Variants in RNF24 observed in about 807,000 individuals in gnomAD.
The protein encoded by RNF24 is ring finger protein 24.
RNF24 carries 14 observed loss-of-function variants against 20.0 expected under a neutral mutation model. The ratio of observed to expected loss-of-function variants is 0.70; its 90% CI spans 0.46 to 1.10. The LOEUF (loss-of-function observed/expected upper bound fraction) is 1.10. Ranked by LOEUF, RNF24 falls within the 50% of genes least tolerant of loss-of-function variation. The pLI is 0.00. For synonymous variants in RNF24, 45 were observed against 61.1 expected, an observed-to-expected ratio of 0.74 and a Z score of 1.23; for missense variants, 124 against 177.6, an observed-to-expected ratio of 0.70 and a Z score of 1.71.
chr20:3,976,491 C>T (rs933720631), intron 1 of RNF24, among the ~76,000 whole-genome samples: 1 of 152,160 alleles, frequency 6.6e-6, no homozygotes, highest in Non-Finnish European at 1.5e-5. Context: ...ATTAAACATG[C>T]AACTGCCATA....
chr20:3,996,885 G>A (rs1295725742), intron 1 of RNF24, among the ~76,000 whole-genome samples: 2 of 152,138 alleles, frequency 1.3e-5, no homozygotes, highest in East Asian at 3.8e-4. Flanking sequence ...CTGATGCCAT[G>A]AAGCTCCATT....
At chr20:3,950,163 G>C (rs2146965495) in intron 2 of RNF24, among the ~76,000 whole-genome samples, 1 of 130,346 alleles carries the variant, frequency 7.7e-6, no homozygotes, top group Admixed American at 7.4e-5. Flanking sequence ...GTATAGTGAT[G>C]AATGTGTCCG....
Position 3,934,103 on chromosome 20 carries a change from G to C in RNF24, c.407C>G (p.Pro136Arg), listed in dbSNP as rs139037742. ...AQLHSKQDRG[P>R]PQGPLPGAEN... ...TGCCCCAGGAAGGGGCCCCTGAGGG[G>C]GTCCACGGTCCTGCTTACTGTGCAA... is the stretch of plus-strand genomic sequence containing the variant. The change falls in exon 6 of 6, where the codon CCC becomes CGC. Residue 136 changes from proline to arginine, a missense_variant. Transcript: ENST00000358395. The surrounding 1 kb of genome is among the most constrained non-coding windows in gnomAD (Gnocchi z 4.0). 1 of 1,540,288 alleles carries C rather than the reference G, an allele frequency of 6.5e-7. No homozygotes were observed. Among genetic ancestry groups the C allele is most frequent in the African/African-American group, 1.4e-5 (1 of 70,966 alleles).
At position 3,971,647 on chromosome 20, in the gene RNF24, T is replaced by TA. The variant is rs1484849764; in HGVS notation, c.-7-7624dup. ...ATTTCTAGTCTGAACTGGTAAAGTATACTAGTAGACTGCATATATAATACA... is the reference window on the plus strand; with the variant it reads ...ATTTCTAGTCTGAACTGGTAAAGTATAACTAGTAGACTGCATATATAATACA... On this transcript the variant is annotated intron_variant, in intron 1 of 5. Transcript: ENST00000358395. Among the ~76,000 whole-genome samples, 13 of 152,266 alleles carry TA rather than the reference T, an allele frequency of 8.5e-5. No homozygotes were observed. The East Asian group carries it at 2.5e-3, about 29-fold the overall frequency.
chr20:3,959,700 AT>A (rs1224646358), intron 2 of RNF24, among the ~76,000 whole-genome samples: 1 of 151,936 alleles, frequency 6.6e-6, no homozygotes, highest in Non-Finnish European at 1.5e-5. Flanking sequence ...GAGATAACCC[AT>A]TTTTTCCCCC....
At chr20:3,938,657 A>G (rs2146944226) in intron 4 of RNF24, among the ~76,000 whole-genome samples, 2 of 152,268 alleles carry the variant, frequency 1.3e-5, no homozygotes, top group East Asian at 3.8e-4. Flanking sequence ...TAAATACAAG[A>G]CCCTTATCAG....
intron 1 of RNF24, among the ~76,000 whole-genome samples, chr20:3,979,135 ATATC>A (rs1979170375): frequency 6.7e-6 from 1 of 150,280 alleles, no homozygotes; most frequent in South Asian, 2.1e-4. Context: ...TATATATTAT[ATATC>A]TACGTATCTA....
At chr20:3,957,018 C>T (rs2091150084) in intron 2 of RNF24, among the ~76,000 whole-genome samples, 1 of 151,994 alleles carries the variant, frequency 6.6e-6, no homozygotes, top group South Asian at 2.1e-4. Flanking sequence ...ATCAGCTGGG[C>T]TCAGTGGCTC....
chr20:4,001,954 C>T (rs939650444), intron 1 of RNF24, among the ~76,000 whole-genome samples: 3 of 150,264 alleles, frequency 2.0e-5, no homozygotes, highest in Non-Finnish European at 4.4e-5. Flanking sequence ...CTTAAAAAAA[C>T]AAACAAAAAA....
chr20:3,972,446 G>A (rs1978430141), intron 1 of RNF24, among the ~76,000 whole-genome samples: 1 of 152,182 alleles, frequency 6.6e-6, no homozygotes, highest in South Asian at 2.1e-4. Flanking sequence ...GTCATATAGA[G>A]TGTGTTACTG....
chr20:4,014,739 G>C (rs941272771), intron 1 of RNF24, among the ~76,000 whole-genome samples: 1 of 143,780 alleles, frequency 7.0e-6, no homozygotes, highest in South Asian at 2.3e-4. Flanking sequence ...ACTTGAATGC[G>C]CACACACACA....
chr20:3,975,217 T>A (rs1195358569), intron 1 of RNF24, among the ~76,000 whole-genome samples: 1 of 152,074 alleles, frequency 6.6e-6, no homozygotes, highest in Non-Finnish European at 1.5e-5. Context: ...GGCAAAAAAA[T>A]TGAATCTTGA....
chr20:3,965,902 G>A (rs1413095386), intron 1 of RNF24, among the ~76,000 whole-genome samples: 3 of 152,122 alleles, frequency 2.0e-5, no homozygotes, highest in South Asian at 2.1e-4. Context: ...GGGAGGCTGA[G>A]GTGGGTGGAT....
intron 1 of RNF24, among the ~76,000 whole-genome samples, chr20:3,995,370 C>T (rs540197683): frequency 1.3e-5 from 2 of 152,300 alleles, no homozygotes; most frequent in Admixed American, 1.3e-4. Context: ...AAGTGGACTC[C>T]TTTCTGAAGT....
intron 1 of RNF24, among the ~76,000 whole-genome samples, chr20:3,998,622 G>C (rs1446705540): frequency 6.7e-6 from 1 of 149,868 alleles, no homozygotes; most frequent in Non-Finnish European, 1.5e-5. Flanking sequence ...CGGGCGTGGT[G>C]GCGTGTGCCT....
chr20:3,967,973 C>CCAA (rs2091275860), intron 1 of RNF24, among the ~76,000 whole-genome samples: 1 of 77,180 alleles, frequency 1.3e-5, no homozygotes, highest in Non-Finnish European at 2.5e-5. Flanking sequence ...AGCCTGGCAA[C>CCAA]AAAAAAAAAA....
intron 3 of RNF24, among the ~76,000 whole-genome samples, chr20:3,947,797 A>G (rs963191270): frequency 1.3e-5 from 2 of 152,258 alleles, no homozygotes; most frequent in Non-Finnish European, 2.9e-5. Flanking sequence ...CTGTAATCCC[A>G]GCACTTTGGG....
intron 1 of RNF24, among the ~76,000 whole-genome samples, chr20:3,968,142 A>G (rs2091279316): frequency 6.6e-6 from 1 of 151,528 alleles, no homozygotes; most frequent in Admixed American, 6.6e-5. Flanking sequence ...CGTCTCTACT[A>G]AAAAATACAA....
intron 1 of RNF24, among the ~76,000 whole-genome samples, chr20:4,013,019 T>TC (rs1463427717): frequency 2.0e-5 from 3 of 151,938 alleles, no homozygotes; most frequent in Non-Finnish European, 2.9e-5. Flanking sequence ...TTTTTTTTTT[T>TC]CTGCTTCATT....
Sources: allele counts gnomAD v4.1 joint callset (sites outside exome capture counted in the v4.1 genomes callset), GRCh38; gene constraint gnomAD v4.1.1; non-coding constraint Gnocchi (gnomAD v3.1); transcripts MANE v1.5; gene names NCBI Gene and HGNC (gene_info 2026-07-23, HGNC 2026-07-21).